Variants in PDE4D observed in about 807,000 individuals in gnomAD.
The protein encoded by PDE4D is 3',5'-cyclic-AMP phosphodiesterase 4D.
In PDE4D, 24 loss-of-function variants were observed where a neutral mutation model predicts 87.4. The observed-to-expected ratio is 0.27, with a 90% CI of 0.20 to 0.39. The LOEUF is 0.39. Among genes scored for constraint, PDE4D ranks in the 10% least tolerant of loss-of-function variants. The pLI is 1.00. For missense variants in PDE4D, 714 were observed against 1,041.0 expected, an observed-to-expected ratio of 0.69 and a Z score of 4.32; for synonymous variants, 384 against 383.2, an observed-to-expected ratio of 1.00 and a Z score of -0.02.
rs113383637 is a variant in PDE4D, at chr5:59,270,910, A to C, written c.456-54942T>G. ...CACGGAATCATTTTCTCACCTGTAA[A>C]ATTAGGATTAACAACTCCTTCTTTT... On this transcript the variant is annotated intron_variant, in intron 1 of 14. Coordinates refer to ENST00000340635, the MANE Select transcript of PDE4D (RefSeq NM_001104631.2). 6.6e-5 allele frequency among the ~76,000 whole-genome samples: 10 copies of C among 152,324 alleles called. 3 individuals carry two copies. Among genetic ancestry groups the C allele is most frequent in the African/African-American group, 2.4e-4 (10 of 41,578 alleles).
Position 59,893,557 on chromosome 5 carries a change from G to A in PDE4D, c.66C>T (p.Gly22=). ...GCTTGGGGGCTTTGAGCGTGGCCCC[G>A]CCGGCGCTGTCGCTGCCCTCTCCGC... The part of the protein sequence containing the change: ...AGSGEGSDSA[G]GATLKAPKHL... Residue 22 remains glycine, a synonymous_variant, in exon 1 of 15, where the codon GGC becomes GGT. Coordinates refer to ENST00000340635, the MANE Select transcript of PDE4D (RefSeq NM_001104631.2). 2 of 1,537,140 alleles carry A rather than the reference G, an allele frequency of 1.3e-6. No individual in the cohort carries two copies. The highest frequency in any genetic ancestry group is 1.8e-6 in the Non-Finnish European group (2 of 1,141,512).
chr5:59,330,895 T>C (rs934931969), intron 1 of PDE4D, among the ~76,000 whole-genome samples: 1 of 152,110 alleles, frequency 6.6e-6, no homozygotes, highest in Admixed American at 6.6e-5. Context: ...ATTTCTGACA[T>C]CGTGATGGAT....
chr5:60,379,171 T>C (rs1761666190), intron 1 of PDE4D, among the ~76,000 whole-genome samples: 1 of 143,496 alleles, frequency 7.0e-6, no homozygotes, highest in Non-Finnish European at 1.5e-5. Flanking sequence ...GAGCAGTTTT[T>C]AAAACTGTAA....
chr5:60,078,609 C>A (rs966850071), intron 2 of PDE4D, among the ~76,000 whole-genome samples: 1 of 152,118 alleles, frequency 6.6e-6, no homozygotes, highest in African/African-American at 2.4e-5. Flanking sequence ...CAATGTTCAA[C>A]CCCCACTTAT....
chr5:60,193,664 C>T (rs1583029956), intron 1 of PDE4D, among the ~76,000 whole-genome samples: 1 of 80,140 alleles, frequency 1.2e-5, no homozygotes, highest in South Asian at 4.4e-4. Context: ...AGCGAGACTC[C>T]GTCTCAAAAA....
At chr5:60,197,626 A>G (rs1741424575) in intron 1 of PDE4D, among the ~76,000 whole-genome samples, 1 of 151,632 alleles carries the variant, frequency 6.6e-6, no homozygotes, top group Non-Finnish European at 1.5e-5. Flanking sequence ...CTTTTATCCT[A>G]GCACCAAGTA....
chr5:59,257,517 G>A (rs890981980), intron 1 of PDE4D, among the ~76,000 whole-genome samples: 4 of 151,954 alleles, frequency 2.6e-5, no homozygotes, highest in Non-Finnish European at 5.9e-5. Context: ...CATTCTTTGG[G>A]AAAACTATTC....
chr5:59,337,341 T>TA lies in PDE4D; in HGVS notation c.456-121374_456-121373insT, dbSNP rs1443326671. Among the ~76,000 whole-genome samples the TA allele has an allele frequency of 2.1e-5, 3 of 146,226 alleles. No homozygotes were observed. The Admixed American group carries it at 2.1e-4, about 10-fold the overall frequency. On this transcript the variant is annotated intron_variant, in intron 1 of 14. Coordinates refer to ENST00000340635, the MANE Select transcript of PDE4D (RefSeq NM_001104631.2). ...CATAAGTTCCCCCCCCCCCACCTTT[T>TA]TTTTTTTTTTGACACGGAGTCTCGC...
chr5:59,233,794 T>C (rs1458165044), intron 1 of PDE4D, among the ~76,000 whole-genome samples: 3 of 152,110 alleles, frequency 2.0e-5, no homozygotes, highest in Admixed American at 2.0e-4. Flanking sequence ...GAGTAGGTCA[T>C]AGAAAAGAGA....
chr5:59,795,333 G>A (rs1766338018), intron 1 of PDE4D, among the ~76,000 whole-genome samples: 1 of 152,146 alleles, frequency 6.6e-6, no homozygotes, highest in Admixed American at 6.5e-5. Flanking sequence ...AGAACAGGAA[G>A]AATAAAGAGA....
At chr5:60,219,351 T>C (rs1744232841) in intron 1 of PDE4D, among the ~76,000 whole-genome samples, 1 of 152,166 alleles carries the variant, frequency 6.6e-6, no homozygotes, top group Non-Finnish European at 1.5e-5. Context: ...ATAATCTGTT[T>C]TATGTTTGTT....
Position 59,931,113 on chromosome 5 carries a change from G to T in PDE4D, c.272+57375C>A, listed in dbSNP as rs553705931. On this transcript the variant is annotated intron_variant, in intron 3 of 16. Transcript: ENST00000502484. ...GAATTAAACAATGTTGGGACAATATGAATTTTAATCAAAGCAATACTTTTC... is the reference window on the plus strand; with the variant it reads ...GAATTAAACAATGTTGGGACAATATTAATTTTAATCAAAGCAATACTTTTC... Among the ~76,000 whole-genome samples, 11 of 152,234 alleles carry T rather than the reference G, an allele frequency of 7.2e-5. No homozygotes were observed. The South Asian group carries it at 1.9e-3, about 26-fold the overall frequency.
intron 5 of PDE4D, among the ~76,000 whole-genome samples, chr5:59,153,884 G>T (rs1779798147): frequency 6.6e-6 from 1 of 152,086 alleles, no homozygotes; most frequent in Non-Finnish European, 1.5e-5. Context: ...AGGGGACTGG[G>T]CTTGAATTTT....
At chr5:59,825,081 T>C (rs80233263) in intron 1 of PDE4D, among the ~76,000 whole-genome samples, 2,319 of 152,268 alleles carry the variant, frequency 0.015, 61 homozygotes, top group African/African-American at 0.053. Context: ...TGATGTCTAC[T>C]GGTCTCTGCG....
intron 2 of PDE4D, among the ~76,000 whole-genome samples, chr5:60,160,163 ATTTTC>A (rs1479784182): frequency 6.6e-6 from 1 of 152,104 alleles, no homozygotes; most frequent in African/African-American, 2.4e-5. Flanking sequence ...TCTTAATAAC[ATTTTC>A]TTTTCTCTAG....
chr5:60,403,693 G>T (rs1164941068), intron 1 of PDE4D, among the ~76,000 whole-genome samples: 2 of 152,208 alleles, frequency 1.3e-5, no homozygotes, highest in East Asian at 3.8e-4. Flanking sequence ...TTGAAGTTTA[G>T]TAAGTAACAC....
intron 5 of PDE4D, among the ~76,000 whole-genome samples, chr5:59,055,690 C>A (rs1457105150): frequency 1.3e-5 from 2 of 152,174 alleles, no homozygotes; most frequent in Non-Finnish European, 2.9e-5. Context: ...CTGAGAGATT[C>A]AGGGTGATGA....
chr5:59,118,417 A>C (rs975129889), intron 5 of PDE4D, among the ~76,000 whole-genome samples: 1 of 152,194 alleles, frequency 6.6e-6, no homozygotes, highest in Non-Finnish European at 1.5e-5. Flanking sequence ...CTCATGGCTG[A>C]GGTCCCCAGC....
chr5:59,036,436 C>A (rs1758512974), intron 6 of PDE4D, among the ~76,000 whole-genome samples: 1 of 152,188 alleles, frequency 6.6e-6, no homozygotes, highest in African/African-American at 2.4e-5. Flanking sequence ...CTCATTCATT[C>A]ATACTCAAGA....
Sources: gnomAD v4.1 joint callset for allele counts (sites outside exome capture counted in the v4.1 genomes callset) on GRCh38, gnomAD v4.1.1 for gene constraint, MANE v1.5 for transcripts, NCBI Gene and HGNC (gene_info 2026-07-23, HGNC 2026-07-21) for gene names.